Variants in ZNF280D observed in about 807,000 individuals in gnomAD.
ZNF280D encodes suppressor of hairy wing homolog 4.
ZNF280D carries 39 observed loss-of-function variants against 94.7 expected under a neutral mutation model. That is an observed-to-expected ratio of 0.41 (90% confidence interval 0.32 to 0.54). The LOEUF (loss-of-function observed/expected upper bound fraction) is 0.54, where lower values mean the gene tolerates loss of function less well. Ranked by LOEUF, ZNF280D falls within the 20% of genes least tolerant of loss-of-function variation. The probability of loss-of-function intolerance (pLI) is 0.22; values close to 1 mark genes in which losing one functional copy is unlikely to be tolerated. For missense variants in ZNF280D, 1,090 were observed against 1,149.3 expected (o/e 0.95, Z 0.75); for synonymous variants, 398 against 377.6 (o/e 1.05, Z -0.63).
intron 19 of ZNF280D, among the ~76,000 whole-genome samples, chr15:56,650,767 A>T (rs936168970): frequency 6.6e-6 from 1 of 152,202 alleles, no homozygotes; most frequent in Non-Finnish European, 1.5e-5. Context: ...CTATTTTGTT[A>T]TAATTCATCC....
intron 17 of ZNF280D, among the ~76,000 whole-genome samples, chr15:56,655,521 TAAATG>T (rs1360263295): frequency 1.3e-5 from 2 of 152,242 alleles, no homozygotes; most frequent in Non-Finnish European, 1.5e-5. Context: ...CTGTAGTTCT[TAAATG>T]AAATGTGTAA....
At chr15:56,701,614 C>T (rs565384039) in intron 4 of ZNF280D, among the ~76,000 whole-genome samples, 3 of 152,154 alleles carry the variant, frequency 2.0e-5, no homozygotes, top group African/African-American at 7.2e-5. Flanking sequence ...AAATGTATAT[C>T]TTTCTTTGCA....
intron 9 of ZNF280D, 25 bp from the exon 10 acceptor site, chr15:56,682,502 AAAC>A: frequency 7.0e-7 from 1 of 1,428,300 alleles, no homozygotes; most frequent in Non-Finnish European, 9.4e-7. Context: ...AAAAAAAAAA[AAAC>A]AAGCCTTACT....
chr15:56,697,521 T>C (rs1214326175), intron 6 of ZNF280D, among the ~76,000 whole-genome samples: 1 of 152,196 alleles, frequency 6.6e-6, no homozygotes, highest in Non-Finnish European at 1.5e-5. Context: ...AAATAGCCTG[T>C]AGAACCTTAG....
chr15:56,634,538 T>C lies in ZNF280D; in HGVS notation c.2315+657A>G, dbSNP rs530665046. Among the ~76,000 whole-genome samples, 33 of 151,998 alleles carry C rather than the reference T, an allele frequency of 2.2e-4. 1 individual carries two copies. The South Asian group carries it at 6.9e-3, about 32-fold the overall frequency. ...AGGAACTTAATCCATAACTTGCTTT[T>C]AGGGACAAAAGATTAATCTCAACAG... On this transcript the variant is annotated intron_variant, in intron 21 of 21. Transcript: ENST00000267807.
At chr15:56,693,722 C>G (rs911374574) in intron 6 of ZNF280D, among the ~76,000 whole-genome samples, 2 of 151,958 alleles carry the variant, frequency 1.3e-5, no homozygotes, top group Admixed American at 6.6e-5. Context: ...TTCTAAAAAC[C>G]TCACATCTGA....
rs559892692 is a variant in ZNF280D at position 56,668,689 on chromosome 15, T to C, written c.1545+134A>G. ...GGTTAGAAGTTTTTCCTTCTACACA[T>C]AAAATTAAAACCTAAAATTAGAGTC... On this transcript the variant is annotated intron_variant, in intron 14 of 21. Transcript: ENST00000267807. 30 of 837,596 alleles carry C rather than the reference T, an allele frequency of 3.6e-5. 1 individual carries two copies. The South Asian group carries it at 6.7e-4, about 19-fold the overall frequency. 51.9% of individuals were successfully genotyped at this position (837,596 alleles called of 1,614,324 possible).
intron 21 of ZNF280D, among the ~76,000 whole-genome samples, chr15:56,633,037 G>A (rs1318401319): frequency 2.6e-5 from 4 of 151,968 alleles, no homozygotes; most frequent in Non-Finnish European, 1.5e-5. Context: ...ACTATCTAGT[G>A]AATCACAAAA....
At chr15:56,733,374 C>T in intron 1 of ZNF280D, 84 bp downstream of exon 1, 1 of 829,220 alleles carries the variant, frequency 1.2e-6, no homozygotes, top group Non-Finnish European at 1.5e-6. Context: ...CAGTCCAGCG[C>T]CCCCGGAGTG....
intron 1 of ZNF280D, among the ~76,000 whole-genome samples, chr15:56,719,074 C>T (rs2141376193): frequency 6.6e-6 from 1 of 152,272 alleles, no homozygotes; most frequent in South Asian, 2.1e-4. Context: ...TGTTCCCTAA[C>T]AGCAGATCTA....
At chr15:56,719,116 A>T (rs1261556577) in intron 1 of ZNF280D, among the ~76,000 whole-genome samples, 1 of 152,094 alleles carries the variant, frequency 6.6e-6, no homozygotes, top group East Asian at 1.9e-4. Flanking sequence ...ATCAATTCTC[A>T]ACAGCAGCCT....
chr15:56,683,627 T>C (rs1457561937), intron 9 of ZNF280D, among the ~76,000 whole-genome samples: 2 of 152,210 alleles, frequency 1.3e-5, no homozygotes, highest in Non-Finnish European at 2.9e-5. Context: ...ACACAGACCA[T>C]GTTCTGTTGC....
At chr15:56,668,326 ATG>A (rs2054435788) in intron 14 of ZNF280D, 3 of 354,238 alleles carry the variant, frequency 8.5e-6, no homozygotes, top group African/African-American at 6.6e-5. Flanking sequence ...GCAGTCAGAC[ATG>A]TGTTTGCTCA....
intron 10 of ZNF280D, among the ~76,000 whole-genome samples, chr15:56,680,199 G>A (rs1211005838): frequency 3.3e-5 from 5 of 152,110 alleles, no homozygotes; most frequent in Admixed American, 2.0e-4. Flanking sequence ...TGGCAGAGAA[G>A]AGAAATGAAA....
chr15:56,727,377 T>C (rs2058678450), intron 1 of ZNF280D, among the ~76,000 whole-genome samples: 1 of 152,152 alleles, frequency 6.6e-6, no homozygotes, highest in African/African-American at 2.4e-5. Context: ...GAGAATCACT[T>C]GAACCCGGGA....
chr15:56,667,823 G>A (rs2054398996), intron 14 of ZNF280D, among the ~76,000 whole-genome samples: 1 of 151,986 alleles, frequency 6.6e-6, no homozygotes, highest in Admixed American at 6.6e-5. Flanking sequence ...TATAACATGG[G>A]GCAATACCTG....
chr15:56,673,852 G>C (rs1242974900), intron 13 of ZNF280D, among the ~76,000 whole-genome samples: 1 of 151,956 alleles, frequency 6.6e-6, no homozygotes, highest in Non-Finnish European at 1.5e-5. Flanking sequence ...ATATCCTTCA[G>C]AGAGGCCCAT....
chr15:56,704,315 TA>T (rs769841453), intron 3 of ZNF280D, 48 bp from the exon 4 acceptor site: 4 of 1,526,808 alleles, frequency 2.6e-6, no homozygotes, highest in African/African-American at 1.4e-5. Flanking sequence ...AAAATAAAAA[TA>T]AAAACATTTT....
At chr15:56,685,899 G>A (rs1156612138) in intron 9 of ZNF280D, among the ~76,000 whole-genome samples, 1 of 152,054 alleles carries the variant, frequency 6.6e-6, no homozygotes, top group Non-Finnish European at 1.5e-5. Context: ...TAAAAGAAGA[G>A]ATTTTCATAT....
Sources: allele counts gnomAD v4.1 joint callset (sites outside exome capture counted in the v4.1 genomes callset), GRCh38; gene constraint gnomAD v4.1.1; transcripts MANE v1.5; gene names NCBI Gene and HGNC (gene_info 2026-07-23, HGNC 2026-07-21).